The following HOMER1 variants were observed in gnomAD, a reference collection of about 807,000 sequenced individuals.
HOMER1 encodes homer protein homolog 1.
HOMER1 carries 3 observed loss-of-function variants against 48.9 expected under a neutral mutation model. The observed-to-expected ratio is 0.06, with a 90% CI of 0.03 to 0.16. The LOEUF (loss-of-function observed/expected upper bound fraction) is 0.16, where lower values mean the gene tolerates loss of function less well. Ranked by LOEUF, HOMER1 falls within the 10% of genes least tolerant of loss-of-function variation. The pLI, the probability that HOMER1 is intolerant of heterozygous loss-of-function variation, is 1.00. For missense variants in HOMER1, 247 were observed against 411.4 expected (o/e 0.60, Z 3.46); for synonymous variants, 134 against 146.4 (o/e 0.92, Z 0.61).
At chr5:79,496,007 T>C (rs1752411459) in intron 1 of HOMER1, among the ~76,000 whole-genome samples, 1 of 152,196 alleles carries the variant, frequency 6.6e-6, no homozygotes, top group Admixed American at 6.5e-5. Context: ...CCAAAGACTG[T>C]AAAAAGCAGC....
chr5:79,506,607 C>T (rs1003619278), intron 1 of HOMER1, among the ~76,000 whole-genome samples: 4 of 152,120 alleles, frequency 2.6e-5, no homozygotes, highest in Admixed American at 6.6e-5. Flanking sequence ...CACAGCAAGG[C>T]AGACGGATCA....
intron 2 of HOMER1, among the ~76,000 whole-genome samples, chr5:79,452,757 G>C (rs1751063460): frequency 6.6e-6 from 1 of 151,766 alleles, no homozygotes; most frequent in African/African-American, 2.4e-5. Context: ...ACTGTTATAT[G>C]AGAGCCCTTA....
At chr5:79,464,611 G>C (rs929522416) in intron 1 of HOMER1, among the ~76,000 whole-genome samples, 4 of 152,088 alleles carry the variant, frequency 2.6e-5, no homozygotes, top group African/African-American at 9.7e-5. Flanking sequence ...AATATAAATT[G>C]AAACTCCACA....
intron 1 of HOMER1, among the ~76,000 whole-genome samples, 154 bp from the exon 2 acceptor site, chr5:79,457,172 T>C (rs1231351716): frequency 6.6e-6 from 1 of 152,214 alleles, no homozygotes; most frequent in Non-Finnish European, 1.5e-5. Flanking sequence ...ATTCTAAGTA[T>C]TCAGTCATAA....
chr5:79,433,695 T>C (rs1750487816), intron 5 of HOMER1, among the ~76,000 whole-genome samples: 1 of 152,238 alleles, frequency 6.6e-6, no homozygotes, highest in Non-Finnish European at 1.5e-5. Context: ...TTAGTTAAAA[T>C]GCTATGTAAA....
intron 2 of HOMER1, among the ~76,000 whole-genome samples, chr5:79,454,972 G>GT (rs1057296905): frequency 1.5e-4 from 23 of 151,450 alleles, no homozygotes; most frequent in Non-Finnish European, 2.5e-4. Flanking sequence ...GAGGCATACA[G>GT]TTTTTTTTTC....
chr5:79,472,804 A>G (rs1049450273), intron 1 of HOMER1, among the ~76,000 whole-genome samples: 9 of 152,098 alleles, frequency 5.9e-5, no homozygotes, highest in African/African-American at 2.2e-4. Context: ...TAATTAAAAA[A>G]AAAATTACAG....
chr5:79,391,337 C>T (rs1749245293), intron 8 of HOMER1, among the ~76,000 whole-genome samples: 2 of 151,886 alleles, frequency 1.3e-5, no homozygotes, highest in Admixed American at 1.3e-4. Context: ...ACCATGTTGT[C>T]CAGTCTGGTC....
At position 79,513,073 on chromosome 5, in the gene HOMER1, C is replaced by T. The variant is rs533639547; in HGVS notation, c.-299G>A. On this transcript the variant is annotated 5_prime_UTR_variant, in exon 1 of 9. Coordinates refer to ENST00000334082, the MANE Select transcript of HOMER1 (RefSeq NM_004272.5). ...AAATGAGTCTACAAGTAGGGAAATG[C>T]AGAATCCGGCTTCACCGAGTCCTAT... The T allele has an allele frequency of 4.5e-4, 201 of 442,730 alleles. No individual in the cohort carries two copies. The highest frequency in any genetic ancestry group is 6.2e-4 in the Non-Finnish European group (155 of 248,718). 27.4% of individuals were successfully genotyped at this position (442,730 alleles called of 1,614,324 possible).
intron 5 of HOMER1, among the ~76,000 whole-genome samples, chr5:79,403,427 C>T (rs1749582810): frequency 6.6e-6 from 1 of 151,988 alleles, no homozygotes; most frequent in Admixed American, 6.6e-5. Context: ...CATCACGAAC[C>T]CCCTGATATG....
At chr5:79,379,237 A>G (rs1165566838) in intron 8 of HOMER1, among the ~76,000 whole-genome samples, 1 of 68,938 alleles carries the variant, frequency 1.5e-5, no homozygotes, top group African/African-American at 6.0e-5. Context: ...AATATATATT[A>G]TATATTATAT....
chr5:79,455,066 A>G (rs1751133295), intron 2 of HOMER1, among the ~76,000 whole-genome samples: 1 of 151,782 alleles, frequency 6.6e-6, no homozygotes, highest in African/African-American at 2.4e-5. Flanking sequence ...CAGTCTCCTG[A>G]GTAGCTAGGA....
chr5:79,500,952 T>TGTGTGTGTGTGA lies in HOMER1; in HGVS notation c.5+11817_5+11818insTCACACACACAC, dbSNP rs750225307. 6.4e-5 allele frequency among the ~76,000 whole-genome samples: 7 copies of TGTGTGTGTGTGA among 108,560 alleles called. No homozygotes were observed. The East Asian group carries it at 1.8e-3, about 28-fold the overall frequency. 71.2% of individuals were successfully genotyped at this position (108,560 alleles called of 152,430 possible). ...TTGTGTGTGTGTGTGTGTGTGTGTG[T>TGTGTGTGTGTGA]GAGACAGACAGACACACACACACAC... On this transcript the variant is annotated intron_variant, in intron 1 of 8. Coordinates refer to ENST00000334082, the MANE Select transcript of HOMER1 (RefSeq NM_004272.5).
intron 1 of HOMER1, among the ~76,000 whole-genome samples, chr5:79,507,802 T>A (rs545543221): frequency 3.6e-4 from 55 of 152,264 alleles, no homozygotes; most frequent in Admixed American, 6.5e-4. Context: ...CTCAAAACTA[T>A]AAACTATGAA....
chr5:79,490,291 T>A lies in HOMER1; in HGVS notation c.5+22479A>T, dbSNP rs559608433. 4.5e-4 allele frequency among the ~76,000 whole-genome samples: 69 copies of A among 152,366 alleles called. No individual in the cohort carries two copies. The South Asian group carries it at 7.0e-3, about 16-fold the overall frequency. Reference sequence around the variant, plus strand: ...TAATATGAGCTTCTTTTATTTATTTTTTTTATTAACTGTTCATATCTTAAA... The same window carrying A: ...TAATATGAGCTTCTTTTATTTATTTATTTTATTAACTGTTCATATCTTAAA... On this transcript the variant is annotated intron_variant, in intron 1 of 8. Transcript: ENST00000334082.
At chr5:79,396,935 A>T in intron 7 of HOMER1, 32 bp from the exon 8 acceptor site, 1 of 1,210,342 alleles carries the variant, frequency 8.3e-7, no homozygotes, top group Non-Finnish European at 1.2e-6. Context: ...CTTAACATTC[A>T]AACTATATCA....
rs368200446 is a variant in HOMER1, at chr5:79,398,309, ACACACACACACACACACACACATG to A, written c.685-696_685-673del. Among the ~76,000 whole-genome samples the A allele has an allele frequency of 0.013, 453 of 35,528 alleles. 3 individuals are homozygous for A. In the African/African-American group the frequency reaches 0.14, roughly 11 times the overall value. The allele number at this position is 35,528 out of a possible 152,430, so 23.3% of individuals were successfully genotyped here. ...GCAATAGACAGAAGTCAATATAAATACACACACACACACACACACACATGCACACACACACCCTATCACAGTTCT... is the reference window on the plus strand; with the variant it reads ...GCAATAGACAGAAGTCAATATAAATACACACACACACCCTATCACAGTTCT... On this transcript the variant is annotated intron_variant, in intron 6 of 8. Transcript: ENST00000334082.
intron 8 of HOMER1, among the ~76,000 whole-genome samples, chr5:79,389,106 A>G (rs1400668950): frequency 1.3e-5 from 2 of 152,152 alleles, no homozygotes; most frequent in African/African-American, 2.4e-5. Context: ...TCCAAAACTT[A>G]TAAGGCAAGA....
intron 1 of HOMER1, among the ~76,000 whole-genome samples, chr5:79,509,807 C>T (rs1419275906): frequency 6.6e-6 from 1 of 152,144 alleles, no homozygotes; most frequent in Non-Finnish European, 1.5e-5. Context: ...TTTGCTTAGA[C>T]TGCCCCTAGA....
Sources: gnomAD v4.1 joint callset for allele counts (sites outside exome capture counted in the v4.1 genomes callset) on GRCh38, gnomAD v4.1.1 for gene constraint, MANE v1.5 for transcripts, NCBI Gene and HGNC (gene_info 2026-07-23, HGNC 2026-07-21) for gene names.